TDG: variants seen among roughly 807,000 people sequenced by gnomAD.
TDG encodes G/T mismatch-specific thymine DNA glycosylase.
In TDG, 23 loss-of-function variants were observed where a neutral mutation model predicts 46.1. That is an observed-to-expected ratio of 0.50 (90% confidence interval 0.36 to 0.71). The LOEUF (loss-of-function observed/expected upper bound fraction) is 0.71, where lower values mean the gene tolerates loss of function less well. Ranked by LOEUF, TDG falls within the 30% of genes least tolerant of loss-of-function variation. TDG has a pLI of 0.00. For missense variants in TDG, 304 were observed against 486.7 expected, an observed-to-expected ratio of 0.62 and a Z score of 3.53; for synonymous variants, 115 against 161.3, an observed-to-expected ratio of 0.71 and a Z score of 2.18.
At position 103,985,744 on chromosome 12, in the gene TDG, C is replaced by T; in HGVS notation, c.1090+16C>T. ...AATGGGCTAAGTATGGTTCCCTCCA[C>T]ATGTGTATTCCTTTCAAAGACGGTT... On this transcript the variant is annotated intron_variant, in intron 9 of 9. Transcript: ENST00000392872. 1 of 996,370 alleles carries T rather than the reference C, an allele frequency of 1.0e-6. No homozygotes were observed. 61.7% of individuals were successfully genotyped at this position (996,370 alleles called of 1,614,324 possible).
At chr12:103,975,261 A>G (rs951053230) in intron 1 of TDG, among the ~76,000 whole-genome samples, 4 of 152,204 alleles carry the variant, frequency 2.6e-5, no homozygotes, top group African/African-American at 9.7e-5. Context: ...TACTTTGAAC[A>G]AAATTTAAAT....
At chr12:103,985,513 A>G (rs1437224664) in intron 8 of TDG, 90 bp from the exon 9 acceptor site, 2 of 1,414,256 alleles carry the variant, frequency 1.4e-6, no homozygotes, top group Non-Finnish European at 1.9e-6. Context: ...TGAATATTCA[A>G]GAAAAAGAAT....
chr12:103,981,076 C>A, intron 4 of TDG, 114 bp downstream of exon 4: 5 of 855,324 alleles, frequency 5.8e-6, no homozygotes, highest in Non-Finnish European at 9.2e-6. Context: ...AATACACATT[C>A]GTGTTTCATG....
At chr12:103,988,869 CCTTAACT>C (rs1257170084) in exon 10 of TDG, 4 of 152,128 alleles carry the variant, frequency 2.6e-5, no homozygotes, top group Non-Finnish European at 5.9e-5. Flanking sequence ...GAATTGTTAT[CCTTAACT>C]TACGGGCTTT....
intron 8 of TDG, 144 bp downstream of exon 8, chr12:103,985,064 T>C (rs1872058198): frequency 3.2e-6 from 1 of 308,048 alleles, no homozygotes; most frequent in Non-Finnish European, 4.6e-6. Flanking sequence ...TATATACATG[T>C]GTATATATAC....
Position 103,984,845 on chromosome 12 carries a change from G to C in TDG, c.889G>C (p.Asp297His). The change falls in exon 8 of 10, where the codon GAT becomes CAT. Residue 297 changes from aspartate to histidine, a missense_variant. By Grantham distance (81) the Asp-to-His change is moderately conservative (BLOSUM62 -1). Coordinates refer to ENST00000392872, the MANE Select transcript of TDG (RefSeq NM_003211.6). ...HYYIKLKDLR[D>H]QLKGIERNMD... The stretch of plus-strand genomic sequence containing the variant: ...CTACATAAAACTGAAGGACTTAAGA[G>C]ATCAGTTGAAAGGCATTGAACGAAA... The C allele has an allele frequency of 1.2e-6, 2 of 1,613,680 alleles. No homozygotes were observed. Among genetic ancestry groups the C allele is most frequent in the Non-Finnish European group, 1.7e-6 (2 of 1,179,624 alleles).
At chr12:103,970,330 T>C (rs1293644627) in intron 1 of TDG, among the ~76,000 whole-genome samples, 1 of 152,040 alleles carries the variant, frequency 6.6e-6, no homozygotes, top group Non-Finnish European at 1.5e-5. Context: ...ATTTAAAATT[T>C]AGCCAGGCAT....
chr12:103,985,755 C>T lies in TDG; in HGVS notation c.1090+27C>T, dbSNP rs755492649. 6 of 1,415,526 alleles carry T rather than the reference C, an allele frequency of 4.2e-6. No individual in the cohort carries two copies. In the South Asian group the frequency reaches 8.7e-5, roughly 21 times the overall value. 87.7% of individuals were successfully genotyped at this position (1,415,526 alleles called of 1,614,324 possible). ...TATGGTTCCCTCCACATGTGTATTC[C>T]TTTCAAAGACGGTTTGGTCAGGATT... On this transcript the variant is annotated intron_variant, in intron 9 of 9. Transcript: ENST00000392872.
intron 2 of TDG, among the ~76,000 whole-genome samples, chr12:103,978,408 G>C (rs939319962): frequency 1.3e-5 from 2 of 152,164 alleles, no homozygotes; most frequent in African/African-American, 2.4e-5. Flanking sequence ...AGAAGTTAAT[G>C]ATTTTCTCCA....
intron 1 of TDG, among the ~76,000 whole-genome samples, chr12:103,968,655 C>T (rs1438418193): frequency 6.6e-6 from 1 of 152,116 alleles, no homozygotes; most frequent in Non-Finnish European, 1.5e-5. Flanking sequence ...CCTTGGCCTG[C>T]GTGTGTTGTG....
At chr12:103,985,078 T>C (rs1361603496) in intron 8 of TDG, among the ~76,000 whole-genome samples, 158 bp downstream of exon 8, 1 of 133,696 alleles carries the variant, frequency 7.5e-6, no homozygotes, top group Non-Finnish European at 1.7e-5. Flanking sequence ...TATATACATA[T>C]ATACACATAA....
chr12:103,982,855 C>G lies in TDG; in HGVS notation c.535C>G (p.His179Asp), dbSNP rs1017272750. ...GGTCCAGCTGAACCATATGGATGATCACACTCTACCAGGGAAGTATGGTAT... is the reference window on the plus strand; with the variant it reads ...GGTCCAGCTGAACCATATGGATGATGACACTCTACCAGGGAAGTATGGTAT... The part of the protein sequence containing the change: ...SEVQLNHMDD[H>D]TLPGKYGIGF... The change falls in exon 5 of 10, where the codon CAC becomes GAC. Residue 179 changes from histidine (H) to aspartate (D), a missense_variant. Transcript: ENST00000392872. 27 of 1,613,874 alleles carry G rather than the reference C, an allele frequency of 1.7e-5. No homozygotes were observed. Among genetic ancestry groups the G allele is most frequent in the Non-Finnish European group, 1.9e-5 (22 of 1,180,024 alleles).
At chr12:103,979,457 G>A (rs1048688585) in intron 2 of TDG, among the ~76,000 whole-genome samples, 1 of 151,740 alleles carries the variant, frequency 6.6e-6, no homozygotes, top group Non-Finnish European at 1.5e-5. Flanking sequence ...CTTCCTTCCT[G>A]TTTCTCTATT....
chr12:103,968,871 G>A (rs1335502666), intron 1 of TDG, among the ~76,000 whole-genome samples: 1 of 152,240 alleles, frequency 6.6e-6, no homozygotes, highest in Non-Finnish European at 1.5e-5. Flanking sequence ...GCTGACGCCT[G>A]TAATCCCAGC....
Position 103,983,375 on chromosome 12 carries a change from C to T in TDG, c.778C>T (p.Pro260Ser). The T allele has an allele frequency of 6.3e-7, 1 of 1,584,924 alleles. No individual in the cohort carries two copies. Among genetic ancestry groups the T allele is most frequent in the Non-Finnish European group, 8.5e-7 (1 of 1,170,962 alleles). The change falls in exon 7 of 10, where the codon CCA (proline) becomes TCA (serine). Residue 260 changes from proline (P) to serine (S), a missense_variant. By Grantham distance (74) the Pro-to-Ser change is moderately conservative. Transcript: ENST00000392872. The stretch of plus-strand genomic sequence containing the variant: ...ATTTGGGCTTCAGCCCCATAAGATT[C>T]CAGACACAGAAACTGTAAGTCCCTA... Reference protein sequence around the residue: ...LEFGLQPHKIPDTETLCYVMP... With the variant: ...LEFGLQPHKISDTETLCYVMP...
intron 4 of TDG, 70 bp from the exon 5 acceptor site, chr12:103,982,729 C>A: frequency 1.3e-6 from 2 of 1,540,454 alleles, no homozygotes; most frequent in Non-Finnish European, 8.9e-7. Context: ...CGTGCCACTA[C>A]ACTCTAGCCT....
At chr12:103,977,609 T>C (rs1489734646) in intron 2 of TDG, among the ~76,000 whole-genome samples, 1 of 152,164 alleles carries the variant, frequency 6.6e-6, no homozygotes, top group Non-Finnish European at 1.5e-5. Context: ...ATGGGGACAG[T>C]TGAAACTTGT....
At chr12:103,970,435 A>G (rs1247643111) in intron 1 of TDG, among the ~76,000 whole-genome samples, 3 of 152,202 alleles carry the variant, frequency 2.0e-5, no homozygotes, top group Non-Finnish European at 4.4e-5. Flanking sequence ...CTATGATAGC[A>G]CCACTGCACT....
intron 1 of TDG, chr12:103,967,876 T>C (rs1207629078): frequency 6.1e-5 from 7 of 115,468 alleles, no homozygotes; most frequent in Non-Finnish European, 1.4e-4. Context: ...TTGCCCAAGA[T>C]GGAGTACAGT....
Sources: allele counts gnomAD v4.1 joint callset (sites outside exome capture counted in the v4.1 genomes callset), GRCh38; gene constraint gnomAD v4.1.1; transcripts MANE v1.5; gene names NCBI Gene and HGNC (gene_info 2026-07-23, HGNC 2026-07-21).